HCRTR1: variants seen among roughly 807,000 people sequenced by gnomAD.
HCRTR1 encodes hypocretin receptor 1, also known as orexin/Hypocretin receptor type 1.
In HCRTR1, 28 loss-of-function variants were observed where a neutral mutation model predicts 40.6. The ratio of observed to expected loss-of-function variants is 0.69; its 90% CI spans 0.51 to 0.95. HCRTR1 has a LOEUF of 0.95. HCRTR1 is among the 40% of genes least tolerant of loss of function. The probability of loss-of-function intolerance (pLI) is 0.00; values close to 1 mark genes in which losing one functional copy is unlikely to be tolerated. For missense variants in HCRTR1, 482 were observed against 564.7 expected (o/e 0.85, Z 1.48); for synonymous variants, 209 against 230.0 (o/e 0.91, Z 0.83).
chr1:31,629,334 C>A (rs148008959), downstream of HCRTR1, among the ~76,000 whole-genome samples: 37 of 152,372 alleles, frequency 2.4e-4, no homozygotes, highest in African/African-American at 8.7e-4. Context: ...AAAAGATAAT[C>A]ACCATTACCC....
chr1:31,623,874 C>T (rs560956811), intron 7 of HCRTR1, 125 bp downstream of exon 7: 14 of 668,236 alleles, frequency 2.1e-5, no homozygotes, highest in Non-Finnish European at 2.6e-6. Flanking sequence ...GGCCATTTCT[C>T]TTCTCTGAGC....
intron 4 of HCRTR1, among the ~76,000 whole-genome samples, chr1:31,620,635 G>A (rs766914710): frequency 3.3e-5 from 5 of 152,178 alleles, no homozygotes; most frequent in African/African-American, 4.8e-5. Context: ...TCACTTATTC[G>A]CACAAGAATC....
chr1:31,619,164 G>A lies in HCRTR1; in HGVS notation c.-29G>A, dbSNP rs1639793197. ...CCTCTCCCTCTGTAGAGCCTAGGAT[G>A]CCCCTCTGCTGCAGCGGCTCCTGAG... is the stretch of plus-strand genomic sequence containing the variant. On this transcript the variant is annotated 5_prime_UTR_variant, in exon 3 of 9. It removes an upstream start codon present in the reference 5' UTR. Coordinates refer to ENST00000403528, the MANE Select transcript of HCRTR1 (RefSeq NM_001525.3). The A allele has an allele frequency of 6.3e-7, 1 of 1,593,120 alleles. No individual in the cohort carries two copies. The highest frequency in any genetic ancestry group is 1.1e-5 in the South Asian group (1 of 90,478).
At chr1:31,621,686 T>A in intron 6 of HCRTR1, 94 bp downstream of exon 6, 1 of 883,462 alleles carries the variant, frequency 1.1e-6, no homozygotes, top group South Asian at 1.4e-5. Context: ...TCCTCTGCCA[T>A]CAGCACATGC....
intron 5 of HCRTR1, 26 bp from the exon 6 acceptor site, chr1:31,621,451 G>C (rs1223021860): frequency 6.5e-7 from 1 of 1,529,240 alleles, no homozygotes; most frequent in Admixed American, 1.7e-5. Flanking sequence ...GATTGGGCCT[G>C]ACTCTGCATC....
downstream of HCRTR1, among the ~76,000 whole-genome samples, chr1:31,627,961 G>C (rs1299005369): frequency 3.9e-5 from 6 of 152,216 alleles, no homozygotes; most frequent in African/African-American, 1.4e-4. Context: ...CAAGGCTTGC[G>C]CCTATTTTCT....
At chr1:31,633,762 C>T (rs1640180081), downstream of HCRTR1, among the ~76,000 whole-genome samples, 2 of 152,188 alleles carry the variant, frequency 1.3e-5, no homozygotes, top group East Asian at 3.9e-4. Flanking sequence ...TTGAGACCAG[C>T]TTGACCAACA....
chr1:31,624,448 CAAAAAAAAAA>C (rs11438872), intron 7 of HCRTR1, among the ~76,000 whole-genome samples: 59,635 of 111,622 alleles, frequency 0.53, 14,943 homozygotes, highest in Middle Eastern at 0.62. Flanking sequence ...ACAGCTGTCT[CAAAAAAAAAA>C]AAAAAAAAAA....
chr1:31,627,168 A>G lies in HCRTR1; in HGVS notation c.*188A>G. The G allele has an allele frequency of 1.4e-6, 2 of 1,438,914 alleles. No individual in the cohort carries two copies. Among genetic ancestry groups the G allele is most frequent in the Non-Finnish European group, 1.9e-6 (2 of 1,080,724 alleles). The allele number at this position is 1,438,914 out of a possible 1,614,324, so 89.1% of individuals were successfully genotyped here. On this transcript the variant is annotated 3_prime_UTR_variant, in exon 9 of 9. Coordinates refer to ENST00000403528, the MANE Select transcript of HCRTR1 (RefSeq NM_001525.3). ...TTGATGTGAGGATTAAGCATGCTGA[A>G]GCAAGTGGAAAGCTCCTTGTAAACT...
intron 6 of HCRTR1, among the ~76,000 whole-genome samples, chr1:31,621,955 C>T (rs1420442339): frequency 3.3e-5 from 5 of 152,216 alleles, no homozygotes; most frequent in Non-Finnish European, 7.3e-5. Flanking sequence ...AGATCAGGAA[C>T]TAAAGCCCAG....
Position 31,621,587 on chromosome 1 carries a change from C to T in HCRTR1, c.733C>T (p.Arg245Cys), listed in dbSNP as rs1358624247. 5.0e-6 allele frequency: 8 copies of T among 1,611,238 alleles called. No homozygotes were observed. Among genetic ancestry groups the T allele is most frequent in the South Asian group, 3.3e-5 (3 of 91,054 alleles). The change falls in exon 6 of 9, where the codon CGC becomes TGC. Residue 245 changes from arginine to cysteine, a missense_variant. Transcript: ENST00000403528. ...YFQIFRKLWG[R>C]QIPGTTSALV... ...CCAGATATTCCGCAAGCTCTGGGGC[C>T]GCCAGGTGAGGCCCACTCTGGGCAG...
Position 31,625,361 on chromosome 1 carries a change from T to G in HCRTR1, c.1087+243T>G, listed in dbSNP as rs1156238336. 6.6e-6 allele frequency among the ~76,000 whole-genome samples: 1 copy of G among 151,798 alleles called. No individual in the cohort carries two copies. Among genetic ancestry groups the G allele is most frequent in the Admixed American group, 6.6e-5 (1 of 15,258 alleles). On this transcript the variant is annotated intron_variant, in intron 8 of 8. Transcript: ENST00000403528. This position sits in a 1 kb window ranked among gnomAD's most constrained non-coding sequence, Gnocchi z 4.2. ...TTTGCAGATTCTGCAGACCAGTGAG[T>G]GAGTGGAAGGGCAGGGGCTAGGCCA...
At chr1:31,634,068 G>A (rs1420137052), downstream of HCRTR1, among the ~76,000 whole-genome samples, 1 of 152,122 alleles carries the variant, frequency 6.6e-6, no homozygotes, top group Non-Finnish European at 1.5e-5. Flanking sequence ...CACAAAGACA[G>A]CCATGGGCAG....
At chr1:31,632,456 G>A, downstream of HCRTR1, 1 of 1,614,166 alleles carries the variant, frequency 6.2e-7, no homozygotes, top group Non-Finnish European at 8.5e-7. Flanking sequence ...GAAGAGTCTA[G>A]CTCTGTCCTG....
At chr1:31,624,293 T>C (rs559262291) in intron 7 of HCRTR1, among the ~76,000 whole-genome samples, 2 of 152,186 alleles carry the variant, frequency 1.3e-5, no homozygotes, top group African/African-American at 4.8e-5. Flanking sequence ...ACTTCGTCTC[T>C]ACTAAAATTC....
rs114288788 is a variant in HCRTR1, at chr1:31,620,239, G to A, written c.378+529G>A. Among the ~76,000 whole-genome samples the A allele has an allele frequency of 2.3e-3, 354 of 152,312 alleles. 2 individuals carry two copies. Among genetic ancestry groups the A allele is most frequent in the African/African-American group, 8.0e-3 (332 of 41,568 alleles). On this transcript the variant is annotated intron_variant, in intron 4 of 8. Transcript: ENST00000403528. ...CACTTCCTGCACCCCAGAGGGCAGG[G>A]GGCACCCCTAGAGGCAATGCCCACA...
chr1:31,633,845 C>G (rs1039468911), downstream of HCRTR1, among the ~76,000 whole-genome samples: 4 of 151,918 alleles, frequency 2.6e-5, no homozygotes, highest in Non-Finnish European at 5.9e-5. Flanking sequence ...ATCCCAGCTA[C>G]TGGGGAGGCT....
chr1:31,630,623 C>T (rs1247207063), downstream of HCRTR1: 5 of 1,612,316 alleles, frequency 3.1e-6, no homozygotes, highest in East Asian at 2.2e-5. Flanking sequence ...TCATAGCATC[C>T]GAGAAGCTGT....
chr1:31,624,040 G>C (rs889976441), intron 7 of HCRTR1, among the ~76,000 whole-genome samples: 5 of 152,216 alleles, frequency 3.3e-5, no homozygotes, highest in African/African-American at 1.2e-4. Context: ...GAAGTAAATA[G>C]AAGAATCAAT....
Sources: gnomAD v4.1 joint callset for allele counts (sites outside exome capture counted in the v4.1 genomes callset) on GRCh38, gnomAD v4.1.1 for gene constraint, Gnocchi (gnomAD v3.1) non-coding constraint, MANE v1.5 for transcripts, NCBI Gene and HGNC (gene_info 2026-07-23, HGNC 2026-07-21) for gene names.